The following DNAH9 variants were observed in gnomAD, a reference collection of about 807,000 sequenced individuals.
DNAH9 encodes the protein DNAH9 variant protein.
A neutral mutation model predicts 471.6 loss-of-function variants in DNAH9; 345 were observed. The ratio of observed to expected loss-of-function variants is 0.73; its 90% CI spans 0.67 to 0.80. The LOEUF is 0.80. DNAH9 is among the 30% of genes least tolerant of loss of function. The probability of loss-of-function intolerance (pLI) is 0.00; values close to 1 mark genes in which losing one functional copy is unlikely to be tolerated. For missense variants in DNAH9, 5,407 were observed against 5,609.2 expected, an observed-to-expected ratio of 0.96 and a Z score of 1.15; for synonymous variants, 2,093 against 2,123.6, an observed-to-expected ratio of 0.99 and a Z score of 0.40.
intron 67 of DNAH9, among the ~76,000 whole-genome samples, chr17:11,954,256 A>T (rs56044040): frequency 6.6e-6 from 1 of 151,884 alleles, no homozygotes; most frequent in Non-Finnish European, 1.5e-5. Context: ...GGGGCCAAAA[A>T]AACTATTTGA....
chr17:11,681,742 G>C (rs113022026), intron 19 of DNAH9, among the ~76,000 whole-genome samples: 3,681 of 152,058 alleles, frequency 0.024, 149 homozygotes, highest in African/African-American at 0.083. Flanking sequence ...ATTTTCAAAG[G>C]TTATTTGCCC....
At position 11,875,087 on chromosome 17, in the gene DNAH9, C is replaced by T. The variant is rs751362002; in HGVS notation, c.10381C>T (p.Arg3461Cys). Residue 3461 changes from arginine to cysteine, a missense_variant, in exon 53 of 69, where the codon CGC becomes TGC. Around this residue, in one of 3 missense-constraint regions of DNAH9, gnomAD observed 4,636 missense variants for 4,900.3 expected, o/e 0.95. Transcript: ENST00000262442. The part of the protein sequence containing the change: ...ENATILINCE[R>C]WPLMVDPQLQ... ...TGCCACCATTCTCATCAACTGTGAG[C>T]GCTGGCCACTCATGGTTGACCCTCA... 139 of 1,613,996 alleles carry T rather than the reference C, an allele frequency of 8.6e-5. No homozygotes were observed. The highest frequency in any genetic ancestry group is 1.0e-4 in the Non-Finnish European group (123 of 1,180,036).
In DNAH9 at chr17:11,703,047, C is replaced by T. The variant is rs144666137; in HGVS notation, c.5152-1156C>T. 8.5e-3 allele frequency among the ~76,000 whole-genome samples: 1,261 copies of T among 148,182 alleles called. 9 individuals are homozygous for T. The highest frequency in any genetic ancestry group is 0.015 in the Non-Finnish European group (981 of 67,594). ...GGCGGAGCTTGCAGTAAGCTGAGAT[C>T]GTGCCACTGCACTCCAGCCTGGGTG... On this transcript the variant is annotated intron_variant, in intron 24 of 68. Coordinates refer to ENST00000262442, the MANE Select transcript of DNAH9 (RefSeq NM_001372.4).
At position 11,762,770 on chromosome 17, in the gene DNAH9, G is replaced by GTTTTTTTTTTTTTT. The variant is rs563544881; in HGVS notation, c.6996-656_6996-643dup. On this transcript the variant is annotated intron_variant, in intron 35 of 68. Coordinates refer to ENST00000262442, the MANE Select transcript of DNAH9 (RefSeq NM_001372.4). The stretch of plus-strand genomic sequence containing the variant: ...CCTCTTTAGGTGCGTTTTTTTTTTT[G>GTTTTTTTTTTTTTT]TTTTTTTTTTTTTTTTTTTTTTTTT... 2.6e-3 allele frequency among the ~76,000 whole-genome samples: 240 copies of GTTTTTTTTTTTTTT among 90,754 alleles called. 18 individuals are homozygous for GTTTTTTTTTTTTTT. The highest frequency in any genetic ancestry group is 4.0e-3 in the Non-Finnish European group (183 of 45,746). 59.5% of individuals were successfully genotyped at this position (90,754 alleles called of 152,430 possible). A position where few individuals can be genotyped will look rare whatever the true frequency, so the allele number is the denominator to read the frequency against.
At chr17:11,872,043 C>T (rs2240519) in intron 52 of DNAH9, among the ~76,000 whole-genome samples, 71,578 of 151,904 alleles carry the variant, frequency 0.47, 17,431 homozygotes, top group Non-Finnish European at 0.54. Context: ...CTCTTCCCCG[C>T]GGGCTGTCTC....
chr17:11,924,048 C>A, intron 62 of DNAH9, 107 bp downstream of exon 62: 2 of 1,431,518 alleles, frequency 1.4e-6, no homozygotes, highest in Non-Finnish European at 9.4e-7. Context: ...TGTCCTTTCA[C>A]ACTCTTGTCC....
intron 45 of DNAH9, among the ~76,000 whole-genome samples, chr17:11,810,591 C>T (rs1969857819): frequency 1.3e-5 from 2 of 152,130 alleles, no homozygotes; most frequent in African/African-American, 4.8e-5. Flanking sequence ...AGACAGTAAT[C>T]GTGGAGCTCT....
intron 43 of DNAH9, among the ~76,000 whole-genome samples, chr17:11,806,281 A>T (rs1969679296): frequency 2.0e-5 from 3 of 152,170 alleles, no homozygotes; most frequent in African/African-American, 7.2e-5. Context: ...CAGTCTCTAA[A>T]GACTGTCTTA....
intron 40 of DNAH9, 25 bp from the exon 41 acceptor site, chr17:11,784,275 G>A: frequency 6.2e-7 from 1 of 1,611,798 alleles, no homozygotes; most frequent in East Asian, 2.2e-5. Flanking sequence ...CGGATGTTGA[G>A]CTCATGCCTT....
intron 45 of DNAH9, among the ~76,000 whole-genome samples, chr17:11,812,720 A>G (rs1170740421): frequency 2.6e-5 from 4 of 152,102 alleles, no homozygotes; most frequent in African/African-American, 9.7e-5. Context: ...TTAGCTTTAT[A>G]TCAGAGAGTT....
intron 49 of DNAH9, among the ~76,000 whole-genome samples, chr17:11,848,002 C>T (rs1447697655): frequency 6.6e-6 from 1 of 151,730 alleles, no homozygotes; most frequent in East Asian, 1.9e-4. Flanking sequence ...TCTGCTAACC[C>T]CTCCTCTCCC....
intron 14 of DNAH9, among the ~76,000 whole-genome samples, chr17:11,654,309 TTG>T (rs2073582588): frequency 4.2e-5 from 2 of 47,504 alleles, no homozygotes; most frequent in South Asian, 7.6e-4. Context: ...TGAGCCGAGA[TTG>T]CGCCACTGCA....
intron 61 of DNAH9, among the ~76,000 whole-genome samples, chr17:11,921,474 T>G (rs986880807): frequency 5.9e-5 from 9 of 151,774 alleles, no homozygotes; most frequent in Non-Finnish European, 4.4e-5. Context: ...CCACCATATG[T>G]AGAGCTGGAA....
In DNAH9 at chr17:11,876,445, C is replaced by A. The variant is rs114178979; in HGVS notation, c.10478+1261C>A. Among the ~76,000 whole-genome samples, 896 of 151,298 alleles carry A rather than the reference C, an allele frequency of 5.9e-3. 10 individuals are homozygous for A. The highest frequency in any genetic ancestry group is 0.021 in the African/African-American group (855 of 41,116). ...AAGTAAAAAATGTTTTCAAAGAAAA[C>A]AATTTAAATAAAATAAAATTGAAGT... On this transcript the variant is annotated intron_variant, in intron 53 of 68. Transcript: ENST00000262442.
At chr17:11,798,091 A>G (rs1008241667) in intron 43 of DNAH9, among the ~76,000 whole-genome samples, 1 of 152,084 alleles carries the variant, frequency 6.6e-6, no homozygotes, top group East Asian at 1.9e-4. Context: ...GACCCAGAAC[A>G]GCTCAGGACC....
chr17:11,676,754 C>T (rs867890670), intron 17 of DNAH9, among the ~76,000 whole-genome samples: 3 of 151,866 alleles, frequency 2.0e-5, no homozygotes, highest in South Asian at 2.1e-4. Context: ...CTTTGGCTAA[C>T]GTTTGCTTGT....
chr17:11,720,584 T>C (rs541263609), intron 27 of DNAH9, among the ~76,000 whole-genome samples: 1 of 152,252 alleles, frequency 6.6e-6, no homozygotes, highest in Non-Finnish European at 1.5e-5. Context: ...AACATTTATA[T>C]ATAAAAGTCA....
chr17:11,670,706 A>ATTT (rs11320846), intron 17 of DNAH9, among the ~76,000 whole-genome samples: 6 of 145,898 alleles, frequency 4.1e-5, no homozygotes, highest in African/African-American at 1.3e-4. Context: ...CTTTGTGGGG[A>ATTT]TTTTTTTTTT....
chr17:11,871,806 C>T lies in DNAH9; in HGVS notation c.10242+20C>T. 3.7e-6 allele frequency: 6 copies of T among 1,611,062 alleles called. No homozygotes were observed. The highest frequency in any genetic ancestry group is 5.1e-6 in the Non-Finnish European group (6 of 1,177,842). ...CTGAAAGTACGTATGGCCTGAATTTCTCCCGACCACATCAGCCTCTGGGCA... is the reference window on the plus strand; with the variant it reads ...CTGAAAGTACGTATGGCCTGAATTTTTCCCGACCACATCAGCCTCTGGGCA... On this transcript the variant is annotated intron_variant, in intron 52 of 68. Transcript: ENST00000262442.
Sources: gnomAD v4.1 joint callset for allele counts (sites outside exome capture counted in the v4.1 genomes callset) on GRCh38, gnomAD v4.1.1 for gene constraint, gnomAD v4.1.1 regional missense constraint, MANE v1.5 for transcripts, NCBI Gene and HGNC (gene_info 2026-07-23, HGNC 2026-07-21) for gene names.